The following OSBPL3 variants were observed in gnomAD, a reference collection of about 807,000 sequenced individuals.
The protein encoded by OSBPL3 is oxysterol-binding protein-related protein 3.
In OSBPL3, 65 loss-of-function variants were observed where a neutral mutation model predicts 120.1. The ratio of observed to expected loss-of-function variants is 0.54; its 90% CI spans 0.44 to 0.67. OSBPL3 has a LOEUF of 0.67. OSBPL3 is among the 30% of genes least tolerant of loss of function. The probability of loss-of-function intolerance (pLI) is 0.00; values close to 1 mark genes in which losing one functional copy is unlikely to be tolerated. For synonymous variants in OSBPL3, 416 were observed against 402.6 expected, an observed-to-expected ratio of 1.03 and a Z score of -0.40; for missense variants, 1,004 against 1,082.1, an observed-to-expected ratio of 0.93 and a Z score of 1.01.
intron 1 of OSBPL3, among the ~76,000 whole-genome samples, chr7:24,954,229 T>C (rs1050557215): frequency 3.9e-5 from 6 of 152,226 alleles, no homozygotes; most frequent in African/African-American, 1.4e-4. Flanking sequence ...TGGATTAATT[T>C]TTTTTCTTTT....
Position 24,959,270 on chromosome 7 carries a change from G to T in OSBPL3, c.-150+20616C>A, listed in dbSNP as rs538753077. ...CACACATTTGTTCACCAAAAGTTAT[G>T]TACGAGAATATTCACAGCAGCACTA... On this transcript the variant is annotated intron_variant, in intron 1 of 22. Transcript: ENST00000313367. This position sits in a 1 kb window ranked among gnomAD's most constrained non-coding sequence, Gnocchi z 4.3. 1.6e-4 allele frequency among the ~76,000 whole-genome samples: 25 copies of T among 152,078 alleles called. No individual in the cohort carries two copies. Among genetic ancestry groups the T allele is most frequent in the Non-Finnish European group, 3.4e-4 (23 of 67,990 alleles).
rs1449739779 is a variant in OSBPL3, at chr7:24,853,425, C to T, written c.1028-791G>A. 2.6e-5 allele frequency among the ~76,000 whole-genome samples: 4 copies of T among 152,158 alleles called. No homozygotes were observed. The East Asian group carries it at 7.7e-4, about 29-fold the overall frequency. On this transcript the variant is annotated intron_variant, in intron 10 of 22. Transcript: ENST00000313367. ...CAGAATGAGAAACATTTTATTTTTA[C>T]AAGTTGGCCTATACTATTCAAAAGT... is the stretch of plus-strand genomic sequence containing the variant.
chr7:24,937,138 G>A lies in OSBPL3; in HGVS notation c.-150+42748C>T, dbSNP rs949853404. Among the ~76,000 whole-genome samples, 4 of 152,112 alleles carry A rather than the reference G, an allele frequency of 2.6e-5. No homozygotes were observed. The highest frequency in any genetic ancestry group is 6.5e-5 in the Admixed American group (1 of 15,270). On this transcript the variant is annotated intron_variant, in intron 1 of 22. Transcript: ENST00000313367. The surrounding 1 kb of genome is among the most constrained non-coding windows in gnomAD (Gnocchi z 4.0). ...GCAAACATGTCCTTCTTCACATGGC[G>A]GCAGGAGAAATGCCGAGCAAAAGGG...
chr7:24,816,479 T>C (rs1794478219), intron 18 of OSBPL3, 131 bp downstream of exon 18: 1 of 689,076 alleles, frequency 1.5e-6, no homozygotes, highest in South Asian at 1.7e-5. Flanking sequence ...TTAAACCTAC[T>C]GTCAGACAGA....
intron 11 of OSBPL3, among the ~76,000 whole-genome samples, chr7:24,850,392 C>T (rs971321005): frequency 5.3e-5 from 8 of 152,214 alleles, no homozygotes; most frequent in Non-Finnish European, 8.8e-5. Context: ...ATCAGCTCCA[C>T]GGGTGCTCGC....
At chr7:24,948,981 G>A in intron 1 of OSBPL3, among the ~76,000 whole-genome samples, 1 of 152,170 alleles carries the variant, frequency 6.6e-6, no homozygotes, top group East Asian at 1.9e-4. Flanking sequence ...TATCAAAAGA[G>A]TCTGCATATC....
At chr7:24,848,041 G>A (rs969522564) in intron 12 of OSBPL3, among the ~76,000 whole-genome samples, 1 of 152,220 alleles carries the variant, frequency 6.6e-6, no homozygotes, top group Non-Finnish European at 1.5e-5. Flanking sequence ...TGAGGCTCAT[G>A]GGAGTGGATG....
chr7:24,956,342 A>G (rs1815043619), intron 1 of OSBPL3, among the ~76,000 whole-genome samples: 1 of 152,260 alleles, frequency 6.6e-6, no homozygotes, highest in South Asian at 2.1e-4. Context: ...GCCAGTGGAT[A>G]GAACTGTTTT....
rs1378212248 is a variant in OSBPL3, at chr7:24,822,213, T to C, written c.1885-1975A>G. Among the ~76,000 whole-genome samples the C allele has an allele frequency of 6.6e-6, 1 of 152,210 alleles. No individual in the cohort carries two copies. On this transcript the variant is annotated intron_variant, in intron 16 of 22. Transcript: ENST00000313367. This position sits in a 1 kb window ranked among gnomAD's most constrained non-coding sequence, Gnocchi z 5.8. ...AATCCTACCACTTGGAGATACCTTA[T>C]ATTAAAAAATGCTACATTCTTCTCC...
In OSBPL3 at chr7:24,863,357, C is replaced by T. The variant is rs1800849715; in HGVS notation, c.778-65G>A. The T allele has an allele frequency of 2.1e-6, 3 of 1,457,918 alleles. No homozygotes were observed. The highest frequency in any genetic ancestry group is 2.3e-5 in the East Asian group (1 of 44,118). 90.3% of individuals were successfully genotyped at this position (1,457,918 alleles called of 1,614,324 possible). ...TCCACCAAACCGACAAGGATAAATG[C>T]ATAGCAAAGTGACCACCTCCATCCC... is the stretch of plus-strand genomic sequence containing the variant. On this transcript the variant is annotated intron_variant, in intron 8 of 22. Coordinates refer to ENST00000313367, the MANE Select transcript of OSBPL3 (RefSeq NM_015550.4). This position sits in a 1 kb window ranked among gnomAD's most constrained non-coding sequence, Gnocchi z 5.8.
chr7:24,873,525 G>C lies in OSBPL3; in HGVS notation c.97-1456C>G, dbSNP rs566524578. On this transcript the variant is annotated intron_variant, in intron 2 of 22. Coordinates refer to ENST00000313367, the MANE Select transcript of OSBPL3 (RefSeq NM_015550.4). This position sits in a 1 kb window ranked among gnomAD's most constrained non-coding sequence, Gnocchi z 4.1. ...CAGTGGTATCCCAAGATCTGGAGTT[G>C]TGAAAAAGACTTCTTCAATGGAAAA... 6.6e-6 allele frequency among the ~76,000 whole-genome samples: 1 copy of C among 152,178 alleles called. No homozygotes were observed. The highest frequency in any genetic ancestry group is 2.4e-5 in the African/African-American group (1 of 41,512).
At position 24,803,005 on chromosome 7, in the gene OSBPL3, G is replaced by T. The variant is rs547919023; in HGVS notation, c.2567+1310C>A. 6.6e-6 allele frequency among the ~76,000 whole-genome samples: 1 copy of T among 152,186 alleles called. No homozygotes were observed. The highest frequency in any genetic ancestry group is 1.9e-4 in the East Asian group (1 of 5,196). ...TATCTTGAATTTGTGGAAATGATCA[G>T]AAGGGATCTAGTAGAATCTACATCA... On this transcript the variant is annotated intron_variant, in intron 22 of 22. Transcript: ENST00000313367. The surrounding 1 kb of genome is among the most constrained non-coding windows in gnomAD (Gnocchi z 4.2).
chr7:24,882,128 A>T (rs550984404), intron 2 of OSBPL3, among the ~76,000 whole-genome samples: 1 of 152,278 alleles, frequency 6.6e-6, no homozygotes, highest in African/African-American at 2.4e-5. Context: ...AACAGTGTAT[A>T]TATTTATAGG....
In OSBPL3 at chr7:24,863,721, G is replaced by T; in HGVS notation, c.674-122C>A. ...GTTGATTTTTTTTTTCATCTGTAAG[G>T]GTTGGAAATTTTACTTCCTTTTTTA... On this transcript the variant is annotated intron_variant, in intron 7 of 22. Coordinates refer to ENST00000313367, the MANE Select transcript of OSBPL3 (RefSeq NM_015550.4). The surrounding 1 kb of genome is among the most constrained non-coding windows in gnomAD (Gnocchi z 5.8). 2 of 659,898 alleles carry T rather than the reference G, an allele frequency of 3.0e-6. No individual in the cohort carries two copies. The highest frequency in any genetic ancestry group is 1.9e-5 in the South Asian group (1 of 53,164). 40.9% of individuals were successfully genotyped at this position (659,898 alleles called of 1,614,324 possible). A position where few individuals can be genotyped will look rare whatever the true frequency, so the allele number is the denominator to read the frequency against.
chr7:24,889,388 T>C (rs545252759), intron 2 of OSBPL3, among the ~76,000 whole-genome samples: 4 of 152,200 alleles, frequency 2.6e-5, no homozygotes, highest in Non-Finnish European at 5.9e-5. Flanking sequence ...TGACTGTAGT[T>C]CATAATACTG....
At chr7:24,823,811 A>G (rs1485287871) in intron 16 of OSBPL3, among the ~76,000 whole-genome samples, 4 of 152,208 alleles carry the variant, frequency 2.6e-5, no homozygotes, top group African/African-American at 9.6e-5. Flanking sequence ...ATTAACTTCA[A>G]TGCCCATGGA....
intron 1 of OSBPL3, among the ~76,000 whole-genome samples, chr7:24,921,766 C>T (rs1368255228): frequency 1.3e-5 from 2 of 152,134 alleles, no homozygotes; most frequent in Non-Finnish European, 2.9e-5. Context: ...CTAGTACTAT[C>T]CCAGAGTTCT....
rs974233814 is a variant in OSBPL3 at position 24,916,924 on chromosome 7, C to CCA, written c.-149-24304_-149-24303insTG. Among the ~76,000 whole-genome samples, 3 of 151,612 alleles carry CCA rather than the reference C, an allele frequency of 2.0e-5. No homozygotes were observed. The highest frequency in any genetic ancestry group is 6.6e-5 in the Admixed American group (1 of 15,216). On this transcript the variant is annotated intron_variant, in intron 1 of 22. Coordinates refer to ENST00000313367, the MANE Select transcript of OSBPL3 (RefSeq NM_015550.4). This position sits in a 1 kb window ranked among gnomAD's most constrained non-coding sequence, Gnocchi z 4.9. The stretch of plus-strand genomic sequence containing the variant: ...TAAGACGTCTTCCATTTCCACCCCC[C>CCA]CCAACCTTTTTAGAAAATTAAATAA...
chr7:24,863,567 T>C lies in OSBPL3; in HGVS notation c.706A>G (p.Met236Val). Residue 236 changes from methionine (M) to valine (V), a missense_variant, in exon 8 of 23, where the codon ATG (methionine) becomes GTG (valine). By Grantham distance (21) the Met-to-Val change is conservative. Coordinates refer to ENST00000313367, the MANE Select transcript of OSBPL3 (RefSeq NM_015550.4). The surrounding 1 kb of genome is among the most constrained non-coding windows in gnomAD (Gnocchi z 5.8). ...LAHCHAYLVE[M>V]SQLLQSMDVL... ...TCCATGCTTTGCAGGAGCTGGCTCA[T>C]TTCTACCAGGTAGGCATGACAGTGC... The C allele has an allele frequency of 6.2e-7, 1 of 1,614,108 alleles. No homozygotes were observed. Among genetic ancestry groups the C allele is most frequent in the Admixed American group, 1.7e-5 (1 of 60,024 alleles).
Sources: allele counts gnomAD v4.1 joint callset (sites outside exome capture counted in the v4.1 genomes callset), GRCh38; gene constraint gnomAD v4.1.1; non-coding constraint Gnocchi (gnomAD v3.1); transcripts MANE v1.5; gene names NCBI Gene and HGNC (gene_info 2026-07-23, HGNC 2026-07-21).